TPH2: variants seen among roughly 807,000 people sequenced by gnomAD.
TPH2 encodes tryptophan 5-hydroxylase 2.
Under a neutral mutation model 59.1 loss-of-function variants are expected in TPH2, and 27 were observed. That is an observed-to-expected ratio of 0.46 (90% confidence interval 0.34 to 0.63). The LOEUF is 0.63. Ranked by LOEUF, TPH2 falls within the 30% of genes least tolerant of loss-of-function variation. The pLI, the probability that TPH2 is intolerant of heterozygous loss-of-function variation, is 0.01. For synonymous variants in TPH2, 220 were observed against 210.5 expected, an observed-to-expected ratio of 1.05 and a Z score of -0.39; for missense variants, 523 against 588.3, an observed-to-expected ratio of 0.89 and a Z score of 1.15.
At chr12:71,941,853 G>C (rs1490411023) in intron 2 of TPH2, 120 bp downstream of exon 2, 2 of 1,164,738 alleles carry the variant, frequency 1.7e-6, no homozygotes, top group African/African-American at 3.0e-5. Context: ...AGATTCAAAG[G>C]AACCAAACTT....
rs146881579 is a variant in TPH2 at position 71,951,017 on chromosome 12, T to C, written c.608+1362T>C. 8.9e-4 allele frequency among the ~76,000 whole-genome samples: 136 copies of C among 152,252 alleles called. 4 individuals are homozygous for C. In the East Asian group the frequency reaches 0.014, roughly 16 times the overall value. ...AAAAACCAGGACCACATGGCACATG[T>C]CCTTTCACATGTGCCTATTCTCATC... On this transcript the variant is annotated intron_variant, in intron 5 of 10. Transcript: ENST00000333850.
At chr12:71,983,210 G>A (rs1872333846) in intron 7 of TPH2, among the ~76,000 whole-genome samples, 1 of 152,094 alleles carries the variant, frequency 6.6e-6, no homozygotes, top group African/African-American at 2.4e-5. Context: ...ATTAATGCCT[G>A]GATTGAAAGG....
intron 8 of TPH2, among the ~76,000 whole-genome samples, chr12:72,012,121 C>A (rs923834379): frequency 6.6e-6 from 1 of 152,080 alleles, no homozygotes; most frequent in African/African-American, 2.4e-5. Flanking sequence ...TCTACCTTAA[C>A]TATTTGCTGA....
chr12:71,940,016 T>C (rs1566108150), intron 1 of TPH2, among the ~76,000 whole-genome samples: 3 of 152,178 alleles, frequency 2.0e-5, no homozygotes, highest in Non-Finnish European at 1.5e-5. Context: ...AAAGTAAACA[T>C]GGCAACTTCT....
chr12:71,967,908 G>A (rs943272779), intron 5 of TPH2, among the ~76,000 whole-genome samples: 1 of 152,148 alleles, frequency 6.6e-6, no homozygotes, highest in African/African-American at 2.4e-5. Flanking sequence ...TTGATTCAAA[G>A]TGTATCCTCC....
intron 8 of TPH2, among the ~76,000 whole-genome samples, chr12:72,021,833 A>C (rs1873428669): frequency 6.6e-6 from 1 of 152,182 alleles, no homozygotes; most frequent in Non-Finnish European, 1.5e-5. Context: ...AAGTATATTA[A>C]TATTGTGGTT....
At chr12:72,018,214 G>C (rs1873311673) in intron 8 of TPH2, among the ~76,000 whole-genome samples, 1 of 152,180 alleles carries the variant, frequency 6.6e-6, no homozygotes, top group Admixed American at 6.5e-5. Flanking sequence ...CACTATGTAA[G>C]GCCAGAGTTT....
At chr12:71,939,414 A>AT (rs11462521) in intron 1 of TPH2, among the ~76,000 whole-genome samples, 1 of 149,018 alleles carries the variant, frequency 6.7e-6, no homozygotes, top group Non-Finnish European at 1.5e-5. Flanking sequence ...AAAAAAAAAA[A>AT]TGGAGTGTGA....
chr12:71,943,075 C>T (rs976241810), intron 2 of TPH2, among the ~76,000 whole-genome samples: 2 of 152,154 alleles, frequency 1.3e-5, no homozygotes, highest in African/African-American at 2.4e-5. Flanking sequence ...AAAAGCCCAA[C>T]GTGACACAAT....
intron 6 of TPH2, among the ~76,000 whole-genome samples, chr12:71,976,262 G>A (rs1872114174): frequency 6.6e-6 from 1 of 152,156 alleles, no homozygotes; most frequent in African/African-American, 2.4e-5. Flanking sequence ...ATTAAGCATA[G>A]CAGAGTCTTA....
chr12:72,010,402 C>T (rs1873069751), intron 8 of TPH2, among the ~76,000 whole-genome samples: 1 of 152,158 alleles, frequency 6.6e-6, no homozygotes. Flanking sequence ...TATATCTTTT[C>T]AGCCCCATTT....
At chr12:71,955,220 G>T (rs1056822064) in intron 5 of TPH2, among the ~76,000 whole-genome samples, 2 of 152,090 alleles carry the variant, frequency 1.3e-5, no homozygotes, top group Non-Finnish European at 2.9e-5. Context: ...AAAATTCACC[G>T]ATTCAAATCA....
At chr12:71,962,378 C>G in intron 5 of TPH2, 1 of 985,396 alleles carries the variant, frequency 1.0e-6, no homozygotes, top group Non-Finnish European at 1.2e-6. Context: ...ACTTTTCTGT[C>G]CCTTTGGGTT....
chr12:71,944,589 T>A lies in TPH2; in HGVS notation c.443T>A (p.Leu148Gln), dbSNP rs776742518. ...PENIWTEEEE[L>Q]EDVPWFPRKI... ...GAACCTGCACTGTTTTCAACAGAGC[T>A]AGAGGATGTGCCCTGGTTCCCTCGG... Residue 148 changes from leucine to glutamine, a missense_variant, in exon 4 of 11, where the codon CTA becomes CAA. Physicochemically the swap from Leu to Gln is moderately radical, Grantham distance 113. Coordinates refer to ENST00000333850, the MANE Select transcript of TPH2 (RefSeq NM_173353.4). 1 of 1,613,892 alleles carries A rather than the reference T, an allele frequency of 6.2e-7. No homozygotes were observed. Among genetic ancestry groups the A allele is most frequent in the Non-Finnish European group, 8.5e-7 (1 of 1,179,780 alleles).
intron 7 of TPH2, among the ~76,000 whole-genome samples, chr12:71,985,030 CA>C (rs369416484): frequency 1.4e-3 from 209 of 152,316 alleles, no homozygotes; most frequent in African/African-American, 4.4e-3. Flanking sequence ...TACTATATAT[CA>C]ACTGGACACA....
intron 8 of TPH2, among the ~76,000 whole-genome samples, chr12:71,995,834 A>G (rs911056032): frequency 3.3e-5 from 5 of 152,216 alleles, no homozygotes; most frequent in African/African-American, 9.7e-5. Flanking sequence ...TGATTTTTAA[A>G]TGTTGGCTTA....
At chr12:71,994,662 T>A in intron 8 of TPH2, 97 bp downstream of exon 8, 1 of 1,481,244 alleles carries the variant, frequency 6.8e-7, no homozygotes, top group Non-Finnish European at 9.3e-7. Context: ...AGGTAAATGT[T>A]CTGGAGAAAA....
chr12:71,994,362 G>C, intron 7 of TPH2, 77 bp from the exon 8 acceptor site: 1 of 1,535,702 alleles, frequency 6.5e-7, no homozygotes, highest in South Asian at 1.1e-5. Context: ...GTCTTATTTA[G>C]GTTTTTAAGT....
intron 8 of TPH2, among the ~76,000 whole-genome samples, chr12:72,003,671 C>T (rs1872880535): frequency 6.6e-6 from 1 of 152,102 alleles, no homozygotes; most frequent in African/African-American, 2.4e-5. Context: ...TGCATGTTTC[C>T]TTTATGATAT....
Sources: gnomAD v4.1 joint callset for allele counts (sites outside exome capture counted in the v4.1 genomes callset) on GRCh38, gnomAD v4.1.1 for gene constraint, MANE v1.5 for transcripts, NCBI Gene and HGNC (gene_info 2026-07-23, HGNC 2026-07-21) for gene names.